Variants in MTMR2 observed in about 807,000 individuals in gnomAD.
The protein encoded by MTMR2 is phosphatidylinositol-3,5-bisphosphate 3-phosphatase MTMR2.
Under a neutral mutation model 86.9 loss-of-function variants are expected in MTMR2, and 55 were observed. That is an observed-to-expected ratio of 0.63 (90% confidence interval 0.51 to 0.79). MTMR2 has a LOEUF of 0.79. MTMR2 is among the 30% of genes least tolerant of loss of function. The probability of loss-of-function intolerance (pLI) is 0.00; values close to 1 mark genes in which losing one functional copy is unlikely to be tolerated. For synonymous variants in MTMR2, 241 were observed against 266.8 expected (o/e 0.90, Z 0.94); for missense variants, 659 against 772.3 (o/e 0.85, Z 1.74).
intron 1 of MTMR2, among the ~76,000 whole-genome samples, chr11:95,910,792 G>A (rs541583548): frequency 7.0e-4 from 107 of 151,978 alleles, no homozygotes; most frequent in African/African-American, 2.5e-3. Context: ...TTCTAGGAAC[G>A]CAAATTTTGC....
At chr11:95,836,101 T>G (rs765627503) in intron 14 of MTMR2, 47 bp downstream of exon 14, 40 of 1,544,608 alleles carry the variant, frequency 2.6e-5, no homozygotes, top group Non-Finnish European at 1.7e-5. Context: ...GAGACAAAGT[T>G]GCACTGCATG....
At chr11:95,862,225 A>G in intron 4 of MTMR2, 47 bp downstream of exon 4, 1 of 1,489,634 alleles carries the variant, frequency 6.7e-7, no homozygotes, top group East Asian at 2.2e-5. Flanking sequence ...AAAACTAGCT[A>G]CAAACAACAC....
chr11:95,908,699 A>G (rs1866385090), intron 1 of MTMR2, among the ~76,000 whole-genome samples: 2 of 152,120 alleles, frequency 1.3e-5, no homozygotes, highest in African/African-American at 4.8e-5. Context: ...GCCTTCCTAC[A>G]ATCATCTGAT....
At chr11:95,874,956 G>A (rs1143885) in intron 2 of MTMR2, among the ~76,000 whole-genome samples, 11,971 of 152,048 alleles carry the variant, frequency 0.079, 580 homozygotes, top group East Asian at 0.16. Flanking sequence ...AGTTTCTGCC[G>A]AGAGATCAGC....
intron 5 of MTMR2, among the ~76,000 whole-genome samples, chr11:95,860,139 T>C (rs1752789305): frequency 6.6e-6 from 1 of 152,196 alleles, no homozygotes; most frequent in African/African-American, 2.4e-5. Flanking sequence ...TACAGAAAAG[T>C]GATCAGGAAA....
At chr11:95,862,453 A>G in intron 3 of MTMR2, 87 bp from the exon 4 acceptor site, 1 of 1,007,928 alleles carries the variant, frequency 9.9e-7, no homozygotes, top group Non-Finnish European at 1.5e-6. Flanking sequence ...TATGATTCCT[A>G]GACTAATTTA....
chr11:95,880,482 G>A (rs1012507001), intron 2 of MTMR2, among the ~76,000 whole-genome samples: 2 of 152,002 alleles, frequency 1.3e-5, no homozygotes, highest in Non-Finnish European at 2.9e-5. Flanking sequence ...AACTGGAACT[G>A]CTAAGAAGAA....
At chr11:95,844,337 T>G (rs1219893943) in intron 11 of MTMR2, among the ~76,000 whole-genome samples, 2 of 152,250 alleles carry the variant, frequency 1.3e-5, no homozygotes, top group Non-Finnish European at 2.9e-5. Flanking sequence ...TTTAAATGTC[T>G]GTTCCTTTCA....
At chr11:95,914,362 C>A (rs1866622562) in intron 1 of MTMR2, 2 of 984,950 alleles carry the variant, frequency 2.0e-6, no homozygotes, top group African/African-American at 3.5e-5. Flanking sequence ...TTTAAGGAAC[C>A]CTAAAATATT....
intron 1 of MTMR2, among the ~76,000 whole-genome samples, chr11:95,905,106 G>A (rs1286594783): frequency 1.3e-5 from 2 of 151,966 alleles, no homozygotes; most frequent in East Asian, 3.9e-4. Flanking sequence ...TACTCTTACG[G>A]TTTTTCTCCT....
At chr11:95,851,055 C>CTTT (rs55809121) in intron 7 of MTMR2, among the ~76,000 whole-genome samples, 54 of 93,412 alleles carry the variant, frequency 5.8e-4, no homozygotes, top group East Asian at 8.9e-4. Context: ...TCAAATATTC[C>CTTT]TTTTTTTTTT....
chr11:95,903,797 G>A (rs918626879), intron 1 of MTMR2, among the ~76,000 whole-genome samples: 1 of 152,198 alleles, frequency 6.6e-6, no homozygotes, highest in South Asian at 2.1e-4. Flanking sequence ...TTACTATGGA[G>A]AAATCATCCA....
At chr11:95,874,530 G>T (rs1172718406) in intron 2 of MTMR2, among the ~76,000 whole-genome samples, 1 of 151,990 alleles carries the variant, frequency 6.6e-6, no homozygotes, top group Non-Finnish European at 1.5e-5. Context: ...CACACTGATG[G>T]GTCTTGACTC....
intron 1 of MTMR2, among the ~76,000 whole-genome samples, chr11:95,903,862 C>G (rs1043513339): frequency 6.6e-6 from 1 of 152,148 alleles, no homozygotes; most frequent in Non-Finnish European, 1.5e-5. Flanking sequence ...TGCCTGTAAT[C>G]CTAGCACATT....
intron 9 of MTMR2, among the ~76,000 whole-genome samples, chr11:95,849,125 T>TC (rs1565350814): frequency 6.6e-6 from 1 of 152,166 alleles, no homozygotes; most frequent in Non-Finnish European, 1.5e-5. Context: ...CCTCCTCCTA[T>TC]AGATTTGGTC....
At chr11:95,855,167 A>T (rs1864165840) in intron 7 of MTMR2, among the ~76,000 whole-genome samples, 2 of 152,066 alleles carry the variant, frequency 1.3e-5, no homozygotes, top group Admixed American at 6.5e-5. Flanking sequence ...TAATCACTAC[A>T]TACTGTATAT....
intron 1 of MTMR2, among the ~76,000 whole-genome samples, chr11:95,894,385 C>T (rs995280602): frequency 2.6e-5 from 4 of 152,098 alleles, no homozygotes; most frequent in Non-Finnish European, 4.4e-5. Context: ...AAATAAAACA[C>T]GTAAAACACT....
intron 2 of MTMR2, among the ~76,000 whole-genome samples, chr11:95,869,806 C>T (rs1445851479): frequency 6.6e-6 from 1 of 151,664 alleles, no homozygotes; most frequent in Non-Finnish European, 1.5e-5. Context: ...CAAGACAGTC[C>T]ATATCGTATG....
chr11:95,838,170 A>T lies in MTMR2; in HGVS notation c.1517T>A (p.Ile506Asn). ...TAFEFNEYFL[I>N]TILDHLYSCL... ...GCTGTATAGGTGGTCCAAAATGGTA[A>T]TGAGAAAATACTCATTGAATTCAAA... Residue 506 changes from isoleucine (I) to asparagine (N), a missense_variant, in exon 13 of 15, where the codon ATT (isoleucine) becomes AAT (asparagine). Ile to Asn is a moderately radical substitution (Grantham distance 149, BLOSUM62 -3). This residue lies in a region of MTMR2 where 193 missense variants were observed against 191.6 expected (regional missense o/e 1.01). Transcript: ENST00000346299. The T allele has an allele frequency of 6.2e-7, 1 of 1,610,434 alleles. No individual in the cohort carries two copies. The highest frequency in any genetic ancestry group is 1.3e-5 in the African/African-American group (1 of 74,908).
Sources: allele counts gnomAD v4.1 joint callset (sites outside exome capture counted in the v4.1 genomes callset), GRCh38; gene constraint gnomAD v4.1.1; regional missense constraint gnomAD v4.1.1; transcripts MANE v1.5; gene names NCBI Gene and HGNC (gene_info 2026-07-23, HGNC 2026-07-21).